Variants in CCDC85A observed in about 807,000 individuals in gnomAD.
CCDC85A encodes coiled-coil domain containing 85A.
CCDC85A carries 38 observed loss-of-function variants against 50.2 expected under a neutral mutation model. That is an observed-to-expected ratio of 0.76 (90% CI 0.58 to 0.99). The LOEUF (loss-of-function observed/expected upper bound fraction) is 0.99, where lower values mean the gene tolerates loss of function less well. Ranked by LOEUF, CCDC85A falls within the 50% of genes least tolerant of loss-of-function variation. The probability of loss-of-function intolerance (pLI) is 0.00; values close to 1 mark genes in which losing one functional copy is unlikely to be tolerated. For synonymous variants in CCDC85A, 366 were observed against 301.4 expected (o/e 1.21, Z -2.22); for missense variants, 820 against 742.0 (o/e 1.11, Z -1.22).
chr2:56,357,655 C>CTATTT (rs1553416943), intron 3 of CCDC85A, among the ~76,000 whole-genome samples: 2 of 114,640 alleles, frequency 1.7e-5, no homozygotes, highest in Non-Finnish European at 3.4e-5. Context: ...TGTCCATTTC[C>CTATTT]TTTTTTTTTT....
chr2:56,342,455 C>A (rs1674420130), intron 2 of CCDC85A, among the ~76,000 whole-genome samples: 1 of 152,108 alleles, frequency 6.6e-6, no homozygotes, highest in Non-Finnish European at 1.5e-5. Flanking sequence ...TGGTTTTGCC[C>A]TGTTCTAAGT....
At chr2:56,261,849 A>G (rs566612564) in intron 2 of CCDC85A, among the ~76,000 whole-genome samples, 1 of 152,166 alleles carries the variant, frequency 6.6e-6, no homozygotes, top group Non-Finnish European at 1.5e-5. Flanking sequence ...ACACCCTTTC[A>G]TGATATCCTT....
In CCDC85A at chr2:56,193,040, G is replaced by A. The variant is rs968509276; in HGVS notation, c.840G>A (p.Glu280=). 1 of 1,613,938 alleles carries A rather than the reference G, an allele frequency of 6.2e-7. No homozygotes were observed. The highest frequency in any genetic ancestry group is 8.5e-7 in the Non-Finnish European group (1 of 1,179,894). ...RPKALKGPSP[E]HHKPLCKGSP... ...AAGCACTCAAAGGACCTAGCCCGGA[G>A]CACCACAAACCCTTGTGCAAGGGCA... Residue 280 remains glutamate (E), a synonymous_variant, in exon 2 of 6, where the codon GAG becomes GAA. Transcript: ENST00000407595.
intron 2 of CCDC85A, among the ~76,000 whole-genome samples, chr2:56,316,870 A>G (rs1672944767): frequency 6.6e-6 from 1 of 152,176 alleles, no homozygotes; most frequent in Admixed American, 6.6e-5. Context: ...CATTTATTAA[A>G]TTGAAAGTAT....
chr2:56,232,052 G>A (rs1668796973), intron 2 of CCDC85A, among the ~76,000 whole-genome samples: 1 of 151,914 alleles, frequency 6.6e-6, no homozygotes, highest in Non-Finnish European at 1.5e-5. Flanking sequence ...AGGTCCCAGG[G>A]CTACCTTATT....
At chr2:56,190,052 A>C (rs960780187) in intron 1 of CCDC85A, among the ~76,000 whole-genome samples, 6 of 152,244 alleles carry the variant, frequency 3.9e-5, no homozygotes, top group Non-Finnish European at 7.3e-5. Context: ...AATACCCACA[A>C]ATTCACTCCC....
At chr2:56,309,675 G>A (rs942140578) in intron 2 of CCDC85A, among the ~76,000 whole-genome samples, 2 of 152,118 alleles carry the variant, frequency 1.3e-5, no homozygotes, top group African/African-American at 4.8e-5. Flanking sequence ...AACAGTTTTA[G>A]GAAGGTTTTT....
At chr2:56,321,752 A>C (rs959684861) in intron 2 of CCDC85A, among the ~76,000 whole-genome samples, 2 of 152,194 alleles carry the variant, frequency 1.3e-5, no homozygotes, top group Non-Finnish European at 2.9e-5. Flanking sequence ...CATCCCCATC[A>C]TGCTACCAAT....
intron 2 of CCDC85A, among the ~76,000 whole-genome samples, chr2:56,257,292 G>C (rs1670025663): frequency 1.3e-5 from 2 of 152,100 alleles, no homozygotes; most frequent in Admixed American, 1.3e-4. Flanking sequence ...TGTCACAATG[G>C]GGCCCAACGT....
intron 2 of CCDC85A, among the ~76,000 whole-genome samples, chr2:56,309,884 A>C (rs1672612392): frequency 6.6e-6 from 1 of 152,182 alleles, no homozygotes; most frequent in South Asian, 2.1e-4. Flanking sequence ...CAGACTTTTT[A>C]TGGCTGCATC....
intron 2 of CCDC85A, among the ~76,000 whole-genome samples, chr2:56,287,740 T>C (rs1421170931): frequency 6.6e-6 from 1 of 152,218 alleles, no homozygotes; most frequent in Non-Finnish European, 1.5e-5. Flanking sequence ...CTTTATTTTC[T>C]CACTTTACCA....
At chr2:56,379,678 C>T (rs1336030024) in intron 5 of CCDC85A, 1 of 342,468 alleles carries the variant, frequency 2.9e-6, no homozygotes, top group Non-Finnish European at 4.1e-6. Context: ...AAGTGGAGCT[C>T]CTTGATGGTT....
At chr2:56,286,180 AT>A (rs745953992) in intron 2 of CCDC85A, among the ~76,000 whole-genome samples, 4 of 151,998 alleles carry the variant, frequency 2.6e-5, no homozygotes, top group Non-Finnish European at 4.4e-5. Flanking sequence ...GCAGTTTGAC[AT>A]TATGTGCCTA....
chr2:56,359,707 C>T (rs1325714509), intron 3 of CCDC85A, among the ~76,000 whole-genome samples: 1 of 152,094 alleles, frequency 6.6e-6, no homozygotes, highest in African/African-American at 2.4e-5. Flanking sequence ...AGGGCATTTC[C>T]TGAAAAAAGG....
intron 2 of CCDC85A, among the ~76,000 whole-genome samples, chr2:56,337,366 G>A (rs775966941): frequency 5.3e-5 from 8 of 152,106 alleles, no homozygotes; most frequent in Non-Finnish European, 1.2e-4. Context: ...TTCCCAGGGT[G>A]GAAAGAGAAA....
At chr2:56,206,423 G>T (rs991968) in intron 2 of CCDC85A, among the ~76,000 whole-genome samples, 1 of 151,898 alleles carries the variant, frequency 6.6e-6, no homozygotes, top group Admixed American at 6.6e-5. Context: ...ATGAACAGAC[G>T]TTTATTTGGC....
intron 3 of CCDC85A, among the ~76,000 whole-genome samples, chr2:56,358,738 T>G (rs572123315): frequency 6.6e-6 from 1 of 152,140 alleles, no homozygotes; most frequent in Non-Finnish European, 1.5e-5. Flanking sequence ...ACTAAAATAA[T>G]TTATTCATCC....
intron 2 of CCDC85A, among the ~76,000 whole-genome samples, chr2:56,333,769 G>C (rs1355416402): frequency 6.6e-6 from 1 of 152,122 alleles, no homozygotes; most frequent in South Asian, 2.1e-4. Context: ...GAGGAACCAC[G>C]CATAATTCTA....
intron 3 of CCDC85A, among the ~76,000 whole-genome samples, chr2:56,347,162 A>G (rs1674669662): frequency 6.6e-6 from 1 of 152,204 alleles, no homozygotes; most frequent in Non-Finnish European, 1.5e-5. Flanking sequence ...TATACAAAGA[A>G]TCATCAATTT....
Sources: gnomAD v4.1 joint callset for allele counts (sites outside exome capture counted in the v4.1 genomes callset) on GRCh38, gnomAD v4.1.1 for gene constraint, MANE v1.5 for transcripts, NCBI Gene and HGNC (gene_info 2026-07-23, HGNC 2026-07-21) for gene names.